Variants in PSTPIP2 observed in about 807,000 individuals in gnomAD.
PSTPIP2 encodes the protein proline-serine-threonine phosphatase-interacting protein 2.
In PSTPIP2, 33 loss-of-function variants were observed where a neutral mutation model predicts 63.3. The ratio of observed to expected loss-of-function variants is 0.52; its 90% CI spans 0.40 to 0.70. The LOEUF is 0.70. Among genes scored for constraint, PSTPIP2 ranks in the 30% least tolerant of loss-of-function variants. The probability of loss-of-function intolerance (pLI) is 0.00; values close to 1 mark genes in which losing one functional copy is unlikely to be tolerated. For synonymous variants in PSTPIP2, 125 were observed against 132.7 expected (o/e 0.94, Z 0.40); for missense variants, 312 against 400.7 (o/e 0.78, Z 1.89).
intron 1 of PSTPIP2, among the ~76,000 whole-genome samples, chr18:46,048,969 T>G (rs1356729717): frequency 6.6e-6 from 1 of 151,470 alleles, no homozygotes; most frequent in African/African-American, 2.4e-5. Context: ...AGGGAAATCA[T>G]GCCTACTTCT....
At chr18:45,999,853 T>C (rs1403838311) in intron 6 of PSTPIP2, among the ~76,000 whole-genome samples, 1 of 152,116 alleles carries the variant, frequency 6.6e-6, no homozygotes, top group Non-Finnish European at 1.5e-5. Flanking sequence ...TAGACAAAAT[T>C]AAGGCCAGGC....
intron 1 of PSTPIP2, among the ~76,000 whole-genome samples, chr18:46,067,351 A>C (rs1355074728): frequency 6.6e-6 from 1 of 151,396 alleles, no homozygotes; most frequent in Non-Finnish European, 1.5e-5. Flanking sequence ...AAATACAAAA[A>C]AATTAGCCGG....
intron 1 of PSTPIP2, among the ~76,000 whole-genome samples, chr18:46,063,987 A>G (rs1042350723): frequency 6.6e-6 from 1 of 152,202 alleles, no homozygotes; most frequent in Non-Finnish European, 1.5e-5. Flanking sequence ...TCAGTCATTC[A>G]GTAGGTATTA....
Position 45,988,639 on chromosome 18 carries a change from G to T in PSTPIP2, c.*8+63C>A, listed in dbSNP as rs377547205. On this transcript the variant is annotated intron_variant, in intron 14 of 14. Coordinates refer to ENST00000409746, the MANE Select transcript of PSTPIP2 (RefSeq NM_024430.4). ...GTAGTGTTATAAATAAGGTTCAAAG[G>T]CTTCAATAGCACAATTACCAGTCTA... 8 of 1,393,674 alleles carry T rather than the reference G, an allele frequency of 5.7e-6. No individual in the cohort carries two copies. The African/African-American group carries it at 8.6e-5, about 15-fold the overall frequency. 86.3% of individuals were successfully genotyped at this position (1,393,674 alleles called of 1,614,324 possible).
chr18:46,029,869 C>T (rs1377411508), intron 2 of PSTPIP2: 5 of 332,448 alleles, frequency 1.5e-5, no homozygotes, highest in Admixed American at 4.0e-5. Context: ...AATCTCAGAA[C>T]TTTGGGAGGC....
At chr18:46,060,905 A>G (rs1455770058) in intron 1 of PSTPIP2, among the ~76,000 whole-genome samples, 1 of 152,218 alleles carries the variant, frequency 6.6e-6, no homozygotes, top group Non-Finnish European at 1.5e-5. Context: ...CTTGACATCA[A>G]TATTACATTA....
intron 5 of PSTPIP2, among the ~76,000 whole-genome samples, chr18:46,007,092 G>A (rs1018563520): frequency 1.3e-5 from 2 of 152,154 alleles, no homozygotes; most frequent in African/African-American, 4.8e-5. Context: ...AATGAGCAAT[G>A]ACACTAACGC....
chr18:46,039,955 T>C lies in PSTPIP2; in HGVS notation c.126A>G (p.Leu42=), dbSNP rs1908130228. 1 of 1,610,830 alleles carries C rather than the reference T, an allele frequency of 6.2e-7. No individual in the cohort carries two copies. Among genetic ancestry groups the C allele is most frequent in the East Asian group, 2.2e-5 (1 of 44,858 alleles). Residue 42 remains leucine, a synonymous_variant, in exon 2 of 15, where the codon CTA becomes CTG. Coordinates refer to ENST00000409746, the MANE Select transcript of PSTPIP2 (RefSeq NM_024430.4). ...RKNCKEFEDF[L]KERAAIEERY... is the part of the protein sequence containing the mutation. ...ACAGAGCATCATCGTACCTTTCTTT[T>C]AGAAAGTCTTCAAACTCTTTGCAGT...
chr18:46,005,440 C>A (rs1223821335), intron 6 of PSTPIP2, 29 bp downstream of exon 6: 1 of 1,535,608 alleles, frequency 6.5e-7, no homozygotes, highest in Non-Finnish European at 9.0e-7. Flanking sequence ...TCACCATTAT[C>A]CCAAAAAAGA....
At chr18:45,992,233 G>T in intron 10 of PSTPIP2, 31 bp from the exon 11 acceptor site, 1 of 1,516,928 alleles carries the variant, frequency 6.6e-7, no homozygotes, top group African/African-American at 1.4e-5. Context: ...AATAGGTAGA[G>T]GTATGTTGAG....
chr18:46,068,908 G>A (rs931473314), intron 1 of PSTPIP2, among the ~76,000 whole-genome samples: 3 of 152,104 alleles, frequency 2.0e-5, no homozygotes, highest in African/African-American at 7.2e-5. Context: ...GTTTGGATGA[G>A]AGTGACAGCC....
At chr18:46,032,754 CAAA>C (rs762015034) in intron 2 of PSTPIP2, among the ~76,000 whole-genome samples, 798 of 50,160 alleles carry the variant, frequency 0.016, 7 homozygotes, top group African/African-American at 0.045. Flanking sequence ...AACTCTGTGT[CAAA>C]AAAAAAAAAA....
chr18:46,036,969 T>C (rs753286131), intron 2 of PSTPIP2, among the ~76,000 whole-genome samples: 1 of 152,218 alleles, frequency 6.6e-6, no homozygotes, highest in Non-Finnish European at 1.5e-5. Context: ...TAAATGTATG[T>C]GTATTAAACT....
At chr18:46,056,767 T>C (rs1908769871) in intron 1 of PSTPIP2, among the ~76,000 whole-genome samples, 3 of 151,834 alleles carry the variant, frequency 2.0e-5, no homozygotes, top group South Asian at 4.2e-4. Flanking sequence ...TGGAAGGGTT[T>C]TTCTCATTAA....
chr18:46,009,986 T>C (rs1185309856), intron 5 of PSTPIP2, among the ~76,000 whole-genome samples: 1 of 152,154 alleles, frequency 6.6e-6, no homozygotes, highest in African/African-American at 2.4e-5. Context: ...GACAGGGTGT[T>C]CCCATGTTCA....
rs75268888 is a variant in PSTPIP2, at chr18:46,019,108, T to C, written c.213-3171A>G. ...GGTGCCTTGGCCCTGGTAAATTTCT[T>C]GCTCACTGCTACTTTCATGGAGGCT... On this transcript the variant is annotated intron_variant, in intron 3 of 14. Coordinates refer to ENST00000409746, the MANE Select transcript of PSTPIP2 (RefSeq NM_024430.4). Among the ~76,000 whole-genome samples the C allele has an allele frequency of 5.3e-3, 809 of 152,244 alleles. 8 individuals carry two copies. Among genetic ancestry groups the C allele is most frequent in the African/African-American group, 0.012 (482 of 41,540 alleles).
chr18:45,996,983 A>T (rs2051602388), intron 9 of PSTPIP2, among the ~76,000 whole-genome samples: 3 of 152,182 alleles, frequency 2.0e-5, no homozygotes, highest in Non-Finnish European at 4.4e-5. Flanking sequence ...CATTCCCTTT[A>T]GAGCCTATTG....
At chr18:46,051,066 G>T (rs181395976) in intron 1 of PSTPIP2, among the ~76,000 whole-genome samples, 10 of 152,218 alleles carry the variant, frequency 6.6e-5, no homozygotes, top group Non-Finnish European at 8.8e-5. Context: ...TTTTCACTAT[G>T]TTGGACAGGC....
chr18:46,059,920 A>G (rs1202924472), intron 1 of PSTPIP2, among the ~76,000 whole-genome samples: 1 of 152,218 alleles, frequency 6.6e-6, no homozygotes, highest in Non-Finnish European at 1.5e-5. Context: ...AATCCCAGCC[A>G]CTAGGGAGGC....
Sources: allele counts gnomAD v4.1 joint callset (sites outside exome capture counted in the v4.1 genomes callset), GRCh38; gene constraint gnomAD v4.1.1; transcripts MANE v1.5; gene names NCBI Gene and HGNC (gene_info 2026-07-23, HGNC 2026-07-21).